STAM: variants seen among roughly 807,000 people sequenced by gnomAD.
STAM encodes signal transducing adaptor molecule.
Under a neutral mutation model 63.4 loss-of-function variants are expected in STAM, and 16 were observed. The observed-to-expected ratio is 0.25, with a 90% CI of 0.17 to 0.38. STAM has a LOEUF of 0.38. STAM is among the 10% of genes least tolerant of loss of function. The pLI is 1.00. For missense variants in STAM, 636 were observed against 657.1 expected (o/e 0.97, Z 0.35); for synonymous variants, 238 against 223.9 (o/e 1.06, Z -0.56).
intron 4 of STAM, among the ~76,000 whole-genome samples, chr10:17,686,621 C>T (rs1554826112): frequency 2.6e-5 from 4 of 152,166 alleles, no homozygotes; most frequent in African/African-American, 9.7e-5. Context: ...CTTGTGATTG[C>T]CCACCTCGGC....
chr10:17,652,750 C>T (rs1833789840), intron 1 of STAM, among the ~76,000 whole-genome samples: 1 of 152,006 alleles, frequency 6.6e-6, no homozygotes, highest in Non-Finnish European at 1.5e-5. Context: ...AACATGCTTT[C>T]CTTTTCTAAG....
rs781797614 is a variant in STAM, at chr10:17,644,429, A to C, written c.40+50A>C. 5.6e-6 allele frequency: 9 copies of C among 1,608,618 alleles called. No individual in the cohort carries two copies. The African/African-American group carries it at 1.1e-4, about 19-fold the overall frequency. On this transcript the variant is annotated intron_variant, in intron 1 of 13. Transcript: ENST00000377524. ...CCATTCCTCACCGGACTGCACGCTCACTCTGCCAGCCCCTGCCTGCATTCA... is the reference window on the plus strand; with the variant it reads ...CCATTCCTCACCGGACTGCACGCTCCCTCTGCCAGCCCCTGCCTGCATTCA...
At chr10:17,672,360 T>A (rs1564542386) in intron 2 of STAM, among the ~76,000 whole-genome samples, 1 of 152,240 alleles carries the variant, frequency 6.6e-6, no homozygotes, top group Non-Finnish European at 1.5e-5. Flanking sequence ...GCAAAATTGC[T>A]TTTAGTTTTC....
chr10:17,647,558 C>T (rs968620738), intron 1 of STAM, among the ~76,000 whole-genome samples: 11 of 151,752 alleles, frequency 7.2e-5, no homozygotes, highest in Non-Finnish European at 1.5e-4. Context: ...GTTAAGAATT[C>T]AGACTGGGGC....
At chr10:17,658,472 G>A (rs1435606000) in intron 1 of STAM, among the ~76,000 whole-genome samples, 1 of 152,050 alleles carries the variant, frequency 6.6e-6, no homozygotes, top group East Asian at 1.9e-4. Context: ...TGATGGTGTT[G>A]TTGAGTTCAA....
intron 8 of STAM, 103 bp downstream of exon 8, chr10:17,696,972 T>G (rs1244321472): frequency 8.1e-6 from 7 of 860,940 alleles, no homozygotes; most frequent in African/African-American, 6.7e-5. Context: ...CAGGCTGGAG[T>G]GCAGTGGTGC....
intron 1 of STAM, among the ~76,000 whole-genome samples, chr10:17,659,463 CTT>C (rs1223509007): frequency 1.1e-4 from 12 of 107,512 alleles, no homozygotes; most frequent in African/African-American, 1.1e-4. Flanking sequence ...TTCTCTTCCT[CTT>C]TTTTTTTTTT....
chr10:17,652,245 AT>A (rs1485092237), intron 1 of STAM, among the ~76,000 whole-genome samples: 5 of 150,514 alleles, frequency 3.3e-5, no homozygotes, highest in African/African-American at 1.2e-4. Context: ...TATCCTTCTG[AT>A]TAAAAAAAAA....
At position 17,644,430 on chromosome 10, in the gene STAM, C is replaced by G. The variant is rs562250787; in HGVS notation, c.40+51C>G. 6.2e-6 allele frequency: 10 copies of G among 1,609,314 alleles called. No homozygotes were observed. The East Asian group carries it at 2.2e-4, about 36-fold the overall frequency. ...CATTCCTCACCGGACTGCACGCTCA[C>G]TCTGCCAGCCCCTGCCTGCATTCAG... On this transcript the variant is annotated intron_variant, in intron 1 of 13. Transcript: ENST00000377524.
At chr10:17,680,537 C>T (rs1835043859) in intron 2 of STAM, among the ~76,000 whole-genome samples, 1 of 151,836 alleles carries the variant, frequency 6.6e-6, no homozygotes. Flanking sequence ...TCTCGAATAG[C>T]TGGGACTACA....
intron 4 of STAM, among the ~76,000 whole-genome samples, chr10:17,685,330 G>T (rs926737221): frequency 3.9e-5 from 6 of 152,168 alleles, no homozygotes; most frequent in Non-Finnish European, 5.9e-5. Context: ...CAATAAGGCT[G>T]CTTCCTGGCC....
At chr10:17,701,548 G>A (rs1478679810) in intron 9 of STAM, among the ~76,000 whole-genome samples, 4 of 152,200 alleles carry the variant, frequency 2.6e-5, no homozygotes, top group Non-Finnish European at 4.4e-5. Context: ...TAGCAACAGA[G>A]ATCATATGGC....
intron 5 of STAM, among the ~76,000 whole-genome samples, chr10:17,688,501 C>T (rs983790209): frequency 2.0e-5 from 3 of 152,092 alleles, no homozygotes; most frequent in Non-Finnish European, 4.4e-5. Flanking sequence ...CTTTGTTTGT[C>T]GCCCTGGGTA....
chr10:17,644,162 C>T lies in STAM; in HGVS notation c.-178C>T. ...GGGCTTCCTCGGCTCCTTGCTGTTG[C>T]CGCCGCCGCAGCTGCTGCCGCGGTT... On this transcript the variant is annotated 5_prime_UTR_variant, in exon 1 of 14. Transcript: ENST00000377524. The T allele has an allele frequency of 3.0e-6, 2 of 658,262 alleles. No individual in the cohort carries two copies. The highest frequency in any genetic ancestry group is 5.3e-6 in the Non-Finnish European group (2 of 374,762). 40.8% of individuals were successfully genotyped at this position (658,262 alleles called of 1,614,324 possible). A position where few individuals can be genotyped will look rare whatever the true frequency, so the allele number is the denominator to read the frequency against.
chr10:17,698,125 G>C lies in STAM; in HGVS notation c.823+1256G>C, dbSNP rs531644078. 4.7e-4 allele frequency among the ~76,000 whole-genome samples: 72 copies of C among 152,246 alleles called. 1 individual carries two copies. In the South Asian group the frequency reaches 0.015, roughly 31 times the overall value. On this transcript the variant is annotated intron_variant, in intron 8 of 13. Transcript: ENST00000377524. The stretch of plus-strand genomic sequence containing the variant: ...GAAATTACAGATCTTTAAGAAAATG[G>C]TGCGCTCTCATAGTTATTGCCAGGG...
At position 17,668,018 on chromosome 10, in the gene STAM, G is replaced by A. The variant is rs1834467301; in HGVS notation, c.125+7470G>A. Among the ~76,000 whole-genome samples, 4 of 152,292 alleles carry A rather than the reference G, an allele frequency of 2.6e-5. No individual in the cohort carries two copies. The South Asian group carries it at 8.3e-4, about 32-fold the overall frequency. ...AAACTATAGAGGGTTTTCAGTTATTGGTAATGACAAGGTCTGATGACTCCA... is the reference window on the plus strand; with the variant it reads ...AAACTATAGAGGGTTTTCAGTTATTAGTAATGACAAGGTCTGATGACTCCA... On this transcript the variant is annotated intron_variant, in intron 2 of 13. Transcript: ENST00000377524.
At position 17,695,218 on chromosome 10, in the gene STAM, A is replaced by G. The variant is rs1435154426; in HGVS notation, c.705A>G (p.Glu235=). ...EDNELTFKAG[E]IITVLDDSDP... ...ATGAACTTACTTTTAAAGCTGGAGAAATTATTACAGTTCTTGATGACAGGT... is the reference window on the plus strand; with the variant it reads ...ATGAACTTACTTTTAAAGCTGGAGAGATTATTACAGTTCTTGATGACAGGT... The change falls in exon 7 of 14, where the codon GAA becomes GAG. Residue 235 remains glutamate, a synonymous_variant. Coordinates refer to ENST00000377524, the MANE Select transcript of STAM (RefSeq NM_003473.4). The G allele has an allele frequency of 6.2e-7, 1 of 1,613,698 alleles. No individual in the cohort carries two copies. Among genetic ancestry groups the G allele is most frequent in the African/African-American group, 1.3e-5 (1 of 74,930 alleles).
rs574073995 is a variant in STAM, at chr10:17,690,965, C to T, written c.445-2257C>T. 1.2e-4 allele frequency among the ~76,000 whole-genome samples: 18 copies of T among 152,280 alleles called. No homozygotes were observed. The East Asian group carries it at 2.1e-3, about 18-fold the overall frequency. Reference sequence around the variant, plus strand: ...TGCGGCTTCACATAGCTTATTTCTGCGCTTCTCTACTGGTAGAGATTTCTT... The same window carrying T: ...TGCGGCTTCACATAGCTTATTTCTGTGCTTCTCTACTGGTAGAGATTTCTT... On this transcript the variant is annotated intron_variant, in intron 5 of 13. Transcript: ENST00000377524.
intron 12 of STAM, among the ~76,000 whole-genome samples, chr10:17,708,291 C>T (rs145220060): frequency 4.7e-4 from 71 of 152,272 alleles, no homozygotes; most frequent in African/African-American, 1.5e-3. Flanking sequence ...AAAATATTTA[C>T]GTCAGGCCCT....
Sources: allele counts gnomAD v4.1 joint callset (sites outside exome capture counted in the v4.1 genomes callset), GRCh38; gene constraint gnomAD v4.1.1; transcripts MANE v1.5; gene names NCBI Gene and HGNC (gene_info 2026-07-23, HGNC 2026-07-21).